Variants in TCHP observed in about 807,000 individuals in gnomAD.
The protein encoded by TCHP is trichoplein keratin filament-binding protein.
TCHP carries 81 observed loss-of-function variants against 88.7 expected under a neutral mutation model. The observed-to-expected ratio is 0.91, with a 90% CI of 0.76 to 1.10. The LOEUF (loss-of-function observed/expected upper bound fraction) is 1.10. Ranked by LOEUF, TCHP falls within the 50% of genes least tolerant of loss-of-function variation. The pLI is 0.00. For synonymous variants in TCHP, 232 were observed against 232.5 expected, an observed-to-expected ratio of 1.00 and a Z score of 0.02; for missense variants, 641 against 632.1, an observed-to-expected ratio of 1.01 and a Z score of -0.15.
intron 3 of TCHP, 101 bp downstream of exon 3, chr12:109,904,248 G>T (rs1212084136): frequency 1.9e-6 from 2 of 1,076,220 alleles, no homozygotes; most frequent in Non-Finnish European, 2.7e-6. Flanking sequence ...GGTCTGATGA[G>T]ATGCCAGTTA....
At chr12:109,897,358 A>G (rs1360253413), upstream of TCHP, among the ~76,000 whole-genome samples, 3 of 152,146 alleles carry the variant, frequency 2.0e-5, no homozygotes, top group East Asian at 5.8e-4. Context: ...GGATCAGGCC[A>G]CTTAGGAATG....
Position 109,906,557 on chromosome 12 carries a change from C to T in TCHP, c.457-15C>T, listed in dbSNP as rs201518682. The T allele has an allele frequency of 5.6e-6, 9 of 1,612,722 alleles. No individual in the cohort carries two copies. In the East Asian group the frequency reaches 1.8e-4, roughly 32 times the overall value. ...TCTGGTGAGGAAATTCACATCGTCC[C>T]CCTTCCATCCTCAGATGGAGCTGGA... is the stretch of plus-strand genomic sequence containing the variant. On this transcript the variant is annotated splice_polypyrimidine_tract_variant and intron_variant, in intron 4 of 12. Transcript: ENST00000405876.
chr12:109,916,721 G>A lies in TCHP; in HGVS notation c.*98G>A, dbSNP rs187402786. 18 of 1,192,102 alleles carry A rather than the reference G, an allele frequency of 1.5e-5. No individual in the cohort carries two copies. Among genetic ancestry groups the A allele is most frequent in the Non-Finnish European group, 2.0e-5 (17 of 830,776 alleles). The allele number at this position is 1,192,102 out of a possible 1,614,324, so 73.8% of individuals were successfully genotyped here. Reference sequence around the variant, plus strand: ...AGGGCTCTGTTAACAGTAAGTGCCCGGGGCACTGTCAGATGGCTCAGCAGT... The same window carrying A: ...AGGGCTCTGTTAACAGTAAGTGCCCAGGGCACTGTCAGATGGCTCAGCAGT... On this transcript the variant is annotated 3_prime_UTR_variant, in exon 13 of 13. Coordinates refer to ENST00000405876, the MANE Select transcript of TCHP (RefSeq NM_001143852.2).
At chr12:109,906,437 C>A in intron 4 of TCHP, 135 bp from the exon 5 acceptor site, 1 of 687,760 alleles carries the variant, frequency 1.5e-6, no homozygotes, top group Non-Finnish European at 2.5e-6. Context: ...CTACTAGACG[C>A]CTGTGCCACT....
chr12:109,912,923 C>G, intron 9 of TCHP, 68 bp from the exon 10 acceptor site: 3 of 1,364,258 alleles, frequency 2.2e-6, no homozygotes, highest in Non-Finnish European at 3.1e-6. Context: ...GCAGCCCTGT[C>G]TGTTCCGTAG....
In TCHP at chr12:109,904,082, C is replaced by G; in HGVS notation, c.334C>G (p.Gln112Glu). Reference protein sequence around the residue: ...LEELRLSMNLQERRIREQHGK... With the variant: ...LEELRLSMNLEERRIREQHGK... ...GGAGCTGAGGCTGAGCATGAACTTG[C>G]AGGAAAGAAGAATCCGGGAGCAGCA... is the stretch of plus-strand genomic sequence containing the variant. Residue 112 changes from glutamine to glutamate, a missense_variant, in exon 3 of 13, where the codon CAG becomes GAG. Transcript: ENST00000405876. The G allele has an allele frequency of 6.3e-7, 1 of 1,599,766 alleles. No individual in the cohort carries two copies. Among genetic ancestry groups the G allele is most frequent in the Non-Finnish European group, 8.5e-7 (1 of 1,173,080 alleles).
At chr12:109,909,687 G>A (rs990844911) in intron 8 of TCHP, among the ~76,000 whole-genome samples, 37 of 152,130 alleles carry the variant, frequency 2.4e-4, no homozygotes, top group African/African-American at 8.2e-4. Flanking sequence ...GGACATGGCC[G>A]GGCGTGGCGG....
At chr12:109,908,495 G>A in intron 6 of TCHP, 91 bp from the exon 7 acceptor site, 1 of 1,080,640 alleles carries the variant, frequency 9.3e-7, no homozygotes, top group South Asian at 1.4e-5. Flanking sequence ...TGTTGGTGTA[G>A]TGTCTGCGAA....
In TCHP at chr12:109,911,180, G is replaced by A; in HGVS notation, c.997G>A (p.Glu333Lys). The change falls in exon 9 of 13, where the codon GAG becomes AAG. Residue 333 changes from glutamate (E) to lysine (K), a missense_variant. Transcript: ENST00000405876. The part of the protein sequence containing the change: ...ADVAWMKQAI[E>K]EQLQLERARE... ...TGTGGCCTGGATGAAGCAGGCCATT[G>A]AGGAGCAGCTGCAGCTGGAGCGGGC... 1.3e-6 allele frequency: 2 copies of A among 1,591,930 alleles called. No homozygotes were observed. The highest frequency in any genetic ancestry group is 2.3e-5 in the South Asian group (2 of 87,372).
the TCHP span, among the ~76,000 whole-genome samples, chr12:109,884,854 C>T: frequency 1.3e-5 from 2 of 152,224 alleles, no homozygotes; most frequent in African/African-American, 4.8e-5. Context: ...CAAGGACGCT[C>T]TCCTGCAGAA....
intron 12 of TCHP, among the ~76,000 whole-genome samples, chr12:109,916,316 A>G (rs1235779920): frequency 1.3e-5 from 2 of 152,244 alleles, no homozygotes. Flanking sequence ...TCACAGTCAC[A>G]GGGAACAGCA....
chr12:109,902,024 A>T (rs1869827050), intron 1 of TCHP, among the ~76,000 whole-genome samples: 1 of 152,226 alleles, frequency 6.6e-6, no homozygotes, highest in Non-Finnish European at 1.5e-5. Context: ...TGGCACATAC[A>T]TGTGTTCCTT....
At chr12:109,884,284 G>A in the TCHP span, among the ~76,000 whole-genome samples, 1 of 152,006 alleles carries the variant, frequency 6.6e-6, no homozygotes, top group Non-Finnish European at 1.5e-5. Flanking sequence ...CGCCTTCCGG[G>A]TTCACGCCAT....
chr12:109,891,099 G>A, the TCHP span, among the ~76,000 whole-genome samples: 4 of 151,988 alleles, frequency 2.6e-5, no homozygotes, highest in African/African-American at 7.3e-5. Flanking sequence ...TTTTGAATAC[G>A]GAAAACAAAA....
intron 5 of TCHP, 104 bp from the exon 6 acceptor site, chr12:109,907,422 C>G: frequency 8.3e-7 from 1 of 1,199,478 alleles, no homozygotes; most frequent in Non-Finnish European, 1.2e-6. Context: ...GGGATTCAGG[C>G]AGGAACTGCC....
chr12:109,899,913 C>T (rs1283956263), upstream of TCHP, among the ~76,000 whole-genome samples: 1 of 152,120 alleles, frequency 6.6e-6, no homozygotes, highest in Non-Finnish European at 1.5e-5. Context: ...ATCCTCCCGC[C>T]TCAGTCTCCC....
chr12:109,907,501 C>T, intron 5 of TCHP, 25 bp from the exon 6 acceptor site: 1 of 1,564,846 alleles, frequency 6.4e-7, no homozygotes, highest in Non-Finnish European at 8.6e-7. Context: ...CAGATATTGA[C>T]CTGTGTTCAT....
chr12:109,894,828 C>T, the TCHP span, among the ~76,000 whole-genome samples: 1 of 151,174 alleles, frequency 6.6e-6, no homozygotes, highest in Non-Finnish European at 1.5e-5. Context: ...AGCAGGTTTC[C>T]CTCAGGGAGT....
chr12:109,904,228 T>G, intron 3 of TCHP, 81 bp downstream of exon 3: 2 of 1,342,532 alleles, frequency 1.5e-6, no homozygotes, highest in Admixed American at 4.0e-5. Context: ...GGGTCATTCC[T>G]GGGTGCTCAG....
Sources: allele counts gnomAD v4.1 joint callset (sites outside exome capture counted in the v4.1 genomes callset), GRCh38; gene constraint gnomAD v4.1.1; transcripts MANE v1.5; gene names NCBI Gene and HGNC (gene_info 2026-07-23, HGNC 2026-07-21).